ARMH3: variants seen among roughly 807,000 people sequenced by gnomAD.
ARMH3 encodes armadillo like helical domain containing 3, also known as armadillo-like helical domain-containing protein 3.
A neutral mutation model predicts 99.1 loss-of-function variants in ARMH3; 60 were observed. The observed-to-expected ratio is 0.61, with a 90% CI of 0.49 to 0.75. The LOEUF (loss-of-function observed/expected upper bound fraction) is 0.75, where lower values mean the gene tolerates loss of function less well. Ranked by LOEUF, ARMH3 falls within the 30% of genes least tolerant of loss-of-function variation. ARMH3 has a pLI of 0.00. For missense variants in ARMH3, 679 were observed against 843.1 expected, an observed-to-expected ratio of 0.81 and a Z score of 2.41; for synonymous variants, 285 against 292.8, an observed-to-expected ratio of 0.97 and a Z score of 0.27.
intron 22 of ARMH3, among the ~76,000 whole-genome samples, chr10:101,946,257 A>G (rs1844528401): frequency 6.6e-6 from 1 of 152,164 alleles, no homozygotes; most frequent in Non-Finnish European, 1.5e-5. Flanking sequence ...TATCATAACT[A>G]TGCTCCATGA....
intron 8 of ARMH3, 115 bp downstream of exon 8, chr10:102,023,362 A>T: frequency 1.1e-6 from 1 of 902,446 alleles, no homozygotes; most frequent in Non-Finnish European, 1.7e-6. Flanking sequence ...TATCAAAATT[A>T]ATCAATATAC....
intron 23 of ARMH3, among the ~76,000 whole-genome samples, chr10:101,891,076 G>C (rs2067677802): frequency 6.6e-6 from 1 of 152,078 alleles, no homozygotes. Context: ...GGTTTTGCCA[G>C]ATTGCCCAGG....
chr10:101,993,798 G>A (rs188828669), intron 16 of ARMH3, among the ~76,000 whole-genome samples, 195 bp from the exon 17 acceptor site: 1 of 152,286 alleles, frequency 6.6e-6, no homozygotes, highest in East Asian at 1.9e-4. Flanking sequence ...ATTTCCCAGT[G>A]TATCTCTAAC....
At chr10:102,031,063 C>T (rs142984697) in intron 4 of ARMH3, among the ~76,000 whole-genome samples, 2,327 of 151,632 alleles carry the variant, frequency 0.015, 36 homozygotes, top group South Asian at 0.028. Context: ...GGATTACAGG[C>T]GTGAGCCACC....
At chr10:102,022,725 C>A (rs1287568225) in intron 8 of ARMH3, among the ~76,000 whole-genome samples, 3 of 148,754 alleles carry the variant, frequency 2.0e-5, no homozygotes, top group African/African-American at 7.3e-5. Flanking sequence ...GGACCACAGG[C>A]GCACACTGCC....
chr10:101,937,161 C>G (rs1459476451), intron 23 of ARMH3, among the ~76,000 whole-genome samples: 1 of 152,164 alleles, frequency 6.6e-6, no homozygotes, highest in East Asian at 1.9e-4. Context: ...GTCTTCAATG[C>G]AGCTTTACAG....
At chr10:101,995,415 A>G (rs1847010563) in intron 15 of ARMH3, 60 bp from the exon 16 acceptor site, 1 of 1,370,006 alleles carries the variant, frequency 7.3e-7, no homozygotes, top group African/African-American at 1.4e-5. Context: ...ATCTGTTTCA[A>G]TACAGAACAA....
intron 8 of ARMH3, among the ~76,000 whole-genome samples, chr10:102,019,867 G>A (rs1365511925): frequency 6.7e-6 from 1 of 149,848 alleles, no homozygotes; most frequent in East Asian, 2.0e-4. Context: ...GGCAGAGCTT[G>A]CAGTGAGCCA....
At chr10:101,937,077 A>G (rs763287738) in intron 23 of ARMH3, among the ~76,000 whole-genome samples, 20 of 152,226 alleles carry the variant, frequency 1.3e-4, no homozygotes, top group Non-Finnish European at 2.5e-4. Flanking sequence ...GAAAAAAATA[A>G]GTTTTTCCAA....
intron 1 of ARMH3, among the ~76,000 whole-genome samples, chr10:102,048,790 CCTGAT>C (rs1460881914): frequency 6.6e-6 from 1 of 152,146 alleles, no homozygotes; most frequent in Non-Finnish European, 1.5e-5. Flanking sequence ...AGTCTCCTGT[CCTGAT>C]CTCCTAAAAA....
At chr10:101,865,930 C>T (rs754310507) in intron 24 of ARMH3, among the ~76,000 whole-genome samples, 1 of 151,322 alleles carries the variant, frequency 6.6e-6, no homozygotes, top group Non-Finnish European at 1.5e-5. Context: ...CAGTAAAAAG[C>T]GATCTCTTGG....
chr10:102,054,273 C>G (rs1289913748), intron 1 of ARMH3, among the ~76,000 whole-genome samples: 2 of 151,754 alleles, frequency 1.3e-5, no homozygotes, highest in Admixed American at 6.6e-5. Context: ...CCTGTAGTCA[C>G]AGCTACTCAG....
chr10:102,050,566 C>T (rs1245951111), intron 1 of ARMH3, among the ~76,000 whole-genome samples: 1 of 152,062 alleles, frequency 6.6e-6, no homozygotes, highest in African/African-American at 2.4e-5. Context: ...CCATTTTATC[C>T]AAGAAAAGTC....
chr10:101,973,359 CA>C (rs56712768), intron 20 of ARMH3, among the ~76,000 whole-genome samples: 20,672 of 80,128 alleles, frequency 0.26, 666 homozygotes, highest in East Asian at 0.45. Context: ...GACTCCGTCT[CA>C]AAAAAAAAAA....
chr10:102,022,581 A>AT (rs1479106068), intron 8 of ARMH3, among the ~76,000 whole-genome samples: 1 of 146,718 alleles, frequency 6.8e-6, no homozygotes, highest in African/African-American at 2.5e-5. Flanking sequence ...AAGATCCAGA[A>AT]TTTTTTTCTT....
chr10:101,867,623 G>A (rs974691273), intron 24 of ARMH3, among the ~76,000 whole-genome samples: 25 of 152,014 alleles, frequency 1.6e-4, no homozygotes, highest in East Asian at 3.9e-4. Flanking sequence ...GCTGGCATCC[G>A]GGAGTTCAAG....
chr10:102,011,136 T>C (rs558922026), intron 11 of ARMH3, among the ~76,000 whole-genome samples: 1 of 151,590 alleles, frequency 6.6e-6, no homozygotes, highest in African/African-American at 2.4e-5. Context: ...CCAAGAAACC[T>C]TGCCCTGGAG....
chr10:102,018,820 G>A (rs2066809092), intron 8 of ARMH3, among the ~76,000 whole-genome samples: 1 of 152,078 alleles, frequency 6.6e-6, no homozygotes, highest in Non-Finnish European at 1.5e-5. Flanking sequence ...AGCTGGGCAT[G>A]GTGGCGCATG....
chr10:101,922,193 CAATT>C (rs1258295327), intron 23 of ARMH3, among the ~76,000 whole-genome samples: 1 of 152,118 alleles, frequency 6.6e-6, no homozygotes, highest in African/African-American at 2.4e-5. Flanking sequence ...ATCAATATCT[CAATT>C]AAAAAGGAAA....
Sources: allele counts gnomAD v4.1 joint callset (sites outside exome capture counted in the v4.1 genomes callset), GRCh38; gene constraint gnomAD v4.1.1; transcripts MANE v1.5; gene names NCBI Gene and HGNC (gene_info 2026-07-23, HGNC 2026-07-21).